The following ABCA1 variants were observed in gnomAD, a reference collection of about 807,000 sequenced individuals.
ABCA1 encodes the protein phospholipid-transporting ATPase ABCA1.
ABCA1 carries 133 observed loss-of-function variants against 262.5 expected under a neutral mutation model. That is an observed-to-expected ratio of 0.51 (90% CI 0.44 to 0.59). The LOEUF is 0.59. Ranked by LOEUF, ABCA1 falls within the 20% of genes least tolerant of loss-of-function variation. The pLI is 0.00. For synonymous variants in ABCA1, 1,022 were observed against 1,043.5 expected (o/e 0.98, Z 0.40); for missense variants, 2,452 against 2,777.5 (o/e 0.88, Z 2.63).
chr9:104,796,330 G>A lies in ABCA1; in HGVS notation c.5216C>T (p.Ala1739Val), dbSNP rs998959115. ...YVSSTNLPVLALLLLLYGWSI... is the reference protein window; with the variant it reads ...YVSSTNLPVLVLLLLLYGWSI... ...TTACCCATACAGCAAAAGTAGAAGG[G>A]CTAGCACAGGCAGATTGGTGGAGGA... The change falls in exon 38 of 50, where the codon GCC becomes GTC. Residue 1739 changes from alanine (A) to valine (V), a missense_variant. Physicochemically the swap from Ala to Val is moderately conservative, Grantham distance 64. Transcript: ENST00000374736. 5.0e-6 allele frequency: 8 copies of A among 1,614,192 alleles called. No homozygotes were observed. Among genetic ancestry groups the A allele is most frequent in the Non-Finnish European group, 6.8e-6 (8 of 1,180,018 alleles).
rs1588286911 is a variant in ABCA1, at chr9:104,817,251, C to T, written c.3535+81G>A. On this transcript the variant is annotated intron_variant, in intron 24 of 49. Coordinates refer to ENST00000374736, the MANE Select transcript of ABCA1 (RefSeq NM_005502.4). This position sits in a 1 kb window ranked among gnomAD's most constrained non-coding sequence, Gnocchi z 4.7. ...CTTGAGTCAGCGCCACCAGCCTCTGCACCTCTCCTCCTCTGCCTCCACTCT... is the reference window on the plus strand; with the variant it reads ...CTTGAGTCAGCGCCACCAGCCTCTGTACCTCTCCTCCTCTGCCTCCACTCT... 1 of 1,611,598 alleles carries T rather than the reference C, an allele frequency of 6.2e-7. No individual in the cohort carries two copies. Among genetic ancestry groups the T allele is most frequent in the Admixed American group, 1.7e-5 (1 of 59,872 alleles).
In ABCA1 at chr9:104,845,565, G is replaced by C. The variant is rs775987152; in HGVS notation, c.725C>G (p.Thr242Arg). Residue 242 changes from threonine to arginine, a missense_variant, in exon 8 of 50, where the codon ACA becomes AGA. Around this residue, in one of 4 missense-constraint regions of ABCA1, gnomAD observed 1,032 missense variants for 1,089.7 expected, o/e 0.95. Transcript: ENST00000374736. ...NMDILKPILRTLNSTSPFPSK... is the reference protein window; with the variant it reads ...NMDILKPILRRLNSTSPFPSK... ...CGGGAAGGGAGATGTAGAGTTTAGT[G>C]TTCTCTGTAATGAGAAAGAAAACTT... 8 of 1,609,846 alleles carry C rather than the reference G, an allele frequency of 5.0e-6. No individual in the cohort carries two copies. The Admixed American group carries it at 1.3e-4, about 27-fold the overall frequency.
At position 104,804,813 on chromosome 9, in the gene ABCA1, G is replaced by A; in HGVS notation, c.4465-93C>T. On this transcript the variant is annotated intron_variant, in intron 31 of 49. Coordinates refer to ENST00000374736, the MANE Select transcript of ABCA1 (RefSeq NM_005502.4). ...GGACAACAGTGACCATGTCCACAGT[G>A]TGACCGGAAACCTGACTACAGGTCC... 8 of 1,128,390 alleles carry A rather than the reference G, an allele frequency of 7.1e-6. No individual in the cohort carries two copies. In the South Asian group the frequency reaches 9.9e-5, roughly 14 times the overall value. 69.9% of individuals were successfully genotyped at this position (1,128,390 alleles called of 1,614,324 possible).
At chr9:104,868,410 C>T (rs1049718734) in intron 5 of ABCA1, among the ~76,000 whole-genome samples, 1 of 152,174 alleles carries the variant, frequency 6.6e-6, no homozygotes, top group African/African-American at 2.4e-5. Flanking sequence ...GTTGTGCAAA[C>T]CAAAGATCAA....
intron 40 of ABCA1, among the ~76,000 whole-genome samples, chr9:104,793,559 A>T (rs904143376): frequency 6.6e-5 from 10 of 151,924 alleles, no homozygotes; most frequent in African/African-American, 2.4e-4. Flanking sequence ...GAAGATATCT[A>T]GTATTTCTTT....
intron 8 of ABCA1, among the ~76,000 whole-genome samples, chr9:104,840,786 C>T (rs1347192631): frequency 6.6e-6 from 1 of 152,180 alleles, no homozygotes; most frequent in Non-Finnish European, 1.5e-5. Context: ...CTCTGCCGAC[C>T]TGCAGAATTC....
rs764529116 is a variant in ABCA1 at position 104,858,690 on chromosome 9, C to T, written c.552G>A (p.Leu184=). The change falls in exon 7 of 50, where the codon TTG becomes TTA. Residue 184 remains leucine (L), a synonymous_variant. Transcript: ENST00000374736. ...TTGTCAAATGTAACTGGTAGCCTTG[C>T]AAAAATACCTGGAAGCATTTCATGC... ...RADVILHKVF[L]QGYQLHLTSL... is the part of the protein sequence containing the mutation. The T allele has an allele frequency of 1.9e-6, 3 of 1,613,930 alleles. No homozygotes were observed. The highest frequency in any genetic ancestry group is 1.7e-6 in the Non-Finnish European group (2 of 1,180,016).
intron 23 of ABCA1, 100 bp downstream of exon 23, chr9:104,818,563 T>G: frequency 8.4e-7 from 1 of 1,187,856 alleles, no homozygotes; most frequent in South Asian, 1.2e-5. Context: ...GATGGTGGTT[T>G]CAACATGGCA....
Position 104,783,055 on chromosome 9 carries a change from G to C in ABCA1, c.*1260C>G, listed in dbSNP as rs148609447. The C allele has an allele frequency of 1.2e-4, 18 of 152,682 alleles. No homozygotes were observed. The East Asian group carries it at 3.3e-3, about 28-fold the overall frequency. 9.5% of individuals were successfully genotyped at this position (152,682 alleles called of 1,614,324 possible). A position where few individuals can be genotyped will look rare whatever the true frequency, so the allele number is the denominator to read the frequency against. ...TATTTGATTGATGAAGTGAGATTAA[G>C]AGTATCCTAAATGATCTGAAAGAAA... On this transcript the variant is annotated 3_prime_UTR_variant, in exon 50 of 50. Transcript: ENST00000374736.
At chr9:104,843,214 G>A (rs970347895) in intron 8 of ABCA1, among the ~76,000 whole-genome samples, 1 of 152,104 alleles carries the variant, frequency 6.6e-6, no homozygotes, top group South Asian at 2.1e-4. Context: ...CACCCTATAC[G>A]TGCCCCAAGA....
At chr9:104,862,643 C>CCCCCA (rs1836557068) in intron 5 of ABCA1, among the ~76,000 whole-genome samples, 4 of 3,488 alleles carry the variant, frequency 1.1e-3, no homozygotes, top group Admixed American at 1.9e-3. Context: ...CCGGGCCGGG[C>CCCCCA]CGGGCCGGGC....
At chr9:104,821,633 C>T in intron 19 of ABCA1, 127 bp from the exon 20 acceptor site, 1 of 1,075,870 alleles carries the variant, frequency 9.3e-7, no homozygotes, top group Non-Finnish European at 1.4e-6. Context: ...TCTAATGAAC[C>T]CTACCAGACC....
In ABCA1 at chr9:104,816,350, A is replaced by G; in HGVS notation, c.3536-5T>C. The G allele has an allele frequency of 1.2e-6, 2 of 1,613,166 alleles. No homozygotes were observed. Among genetic ancestry groups the G allele is most frequent in the South Asian group, 2.2e-5 (2 of 91,032 alleles). ...GGTTGGAGATAGCAGAGACATCTGC[A>G]GGGACCAGAATGCAAAGATGGCTCA... On this transcript the variant is annotated splice_polypyrimidine_tract_variant and splice_region_variant and intron_variant, in intron 24 of 49. Coordinates refer to ENST00000374736, the MANE Select transcript of ABCA1 (RefSeq NM_005502.4).
Position 104,790,949 on chromosome 9 carries a change from C to T in ABCA1, c.5900G>A (p.Arg1967Lys). 6.2e-7 allele frequency: 1 copy of T among 1,613,544 alleles called. No individual in the cohort carries two copies. The highest frequency in any genetic ancestry group is 1.7e-5 in the Admixed American group (1 of 60,020). The part of the protein sequence containing the change: ...KMLTGDTTVT[R>K]GDAFLNKNSI... ...ATTTTTGTTAAGGAAAGCATCTCCT[C>T]TGGTAACAGTGGTATCTCCTGTTAA... Residue 1967 changes from arginine (R) to lysine (K), a missense_variant, in exon 44 of 50, where the codon AGA becomes AAA. This residue lies in a region of ABCA1 where 752 missense variants were observed against 944.5 expected (regional missense o/e 0.80). Coordinates refer to ENST00000374736, the MANE Select transcript of ABCA1 (RefSeq NM_005502.4).
At chr9:104,856,113 C>T (rs760545906) in intron 7 of ABCA1, 4 of 1,570,206 alleles carry the variant, frequency 2.5e-6, no homozygotes, top group Non-Finnish European at 3.5e-6. Context: ...GTTGAAATTT[C>T]AACCAAGCAG....
Position 104,862,679 on chromosome 9 carries a change from C to CAGGGCAGGGCA in ABCA1, c.422-880_422-879insTGCCCTGCCCT, listed in dbSNP as rs1564199103. Among the ~76,000 whole-genome samples the CAGGGCAGGGCA allele has an allele frequency of 1.3e-3, 12 of 9,470 alleles. 1 individual carries two copies. The highest frequency in any genetic ancestry group is 4.3e-3 in the African/African-American group (11 of 2,542). The allele number at this position is 9,470 out of a possible 152,430, so 6.2% of individuals were successfully genotyped here. A position where few individuals can be genotyped will look rare whatever the true frequency, so the allele number is the denominator to read the frequency against. On this transcript the variant is annotated intron_variant, in intron 5 of 49. Transcript: ENST00000374736. ...CGGGCCGGGCCGGGCCGGGCCGGGC[C>CAGGGCAGGGCA]GGGCCGGGCCGGGCCGGGCCGGCCC...
intron 1 of ABCA1, among the ~76,000 whole-genome samples, chr9:104,907,129 C>T (rs1027666292): frequency 4.6e-5 from 7 of 152,222 alleles, no homozygotes; most frequent in Non-Finnish European, 7.3e-5. Context: ...CCACTCCCCA[C>T]CTGCTAAGCA....
At chr9:104,884,774 G>C (rs899885887) in intron 3 of ABCA1, among the ~76,000 whole-genome samples, 1 of 152,204 alleles carries the variant, frequency 6.6e-6, no homozygotes, top group Non-Finnish European at 1.5e-5. Flanking sequence ...ATCATCTGTA[G>C]AATGGGGTTC....
chr9:104,816,484 G>T (rs1477823748), intron 24 of ABCA1, 139 bp from the exon 25 acceptor site: 1 of 806,534 alleles, frequency 1.2e-6, no homozygotes, highest in Non-Finnish European at 2.1e-6. Flanking sequence ...CATTCCACAT[G>T]TTCATCTCTG....
Sources: gnomAD v4.1 joint callset for allele counts (sites outside exome capture counted in the v4.1 genomes callset) on GRCh38, gnomAD v4.1.1 for gene constraint, gnomAD v4.1.1 regional missense constraint, Gnocchi (gnomAD v3.1) non-coding constraint, MANE v1.5 for transcripts, NCBI Gene and HGNC (gene_info 2026-07-23, HGNC 2026-07-21) for gene names.